Variants in OTOGL observed in about 807,000 individuals in gnomAD.
OTOGL encodes the protein otogelin-like protein.
In OTOGL, 285 loss-of-function variants were observed where a neutral mutation model predicts 318.5. The observed-to-expected ratio is 0.89, with a 90% CI of 0.81 to 0.99. The LOEUF is 0.99. Ranked by LOEUF, OTOGL falls within the 50% of genes least tolerant of loss-of-function variation. OTOGL has a pLI of 0.00. For missense variants in OTOGL, 2,899 were observed against 2,845.6 expected (o/e 1.02, Z -0.43); for synonymous variants, 987 against 936.5 (o/e 1.05, Z -0.99).
At chr12:80,123,904 ATTTG>A (rs1337659150) in intron 1 of OTOGL, among the ~76,000 whole-genome samples, 2 of 151,850 alleles carry the variant, frequency 1.3e-5, no homozygotes, top group Non-Finnish European at 2.9e-5. Context: ...TTTCTTGTAA[ATTTG>A]TTTGAGTTCA....
At chr12:80,119,489 G>A (rs1183486799) in intron 1 of OTOGL, among the ~76,000 whole-genome samples, 2 of 152,056 alleles carry the variant, frequency 1.3e-5, no homozygotes, top group African/African-American at 2.4e-5. Context: ...TCACAATGTC[G>A]GCCGTTGTGA....
intron 36 of OTOGL, 85 bp from the exon 37 acceptor site, chr12:80,328,966 T>C: frequency 7.8e-7 from 1 of 1,280,440 alleles, no homozygotes; most frequent in Non-Finnish European, 1.1e-6. Flanking sequence ...ACATTTTCCT[T>C]GAAGCTAAAG....
intron 1 of OTOGL, among the ~76,000 whole-genome samples, chr12:80,176,492 A>G (rs982259733): frequency 3.3e-5 from 5 of 152,164 alleles, no homozygotes; most frequent in Non-Finnish European, 5.9e-5. Context: ...TTTTATAAAA[A>G]TGGAATATAT....
chr12:80,293,434 A>G (rs1039386922), intron 26 of OTOGL, among the ~76,000 whole-genome samples: 11 of 152,138 alleles, frequency 7.2e-5, no homozygotes, highest in African/African-American at 2.7e-4. Context: ...CCAACTTTTT[A>G]TGTCTTCTTA....
rs371093213 is a variant in OTOGL at position 80,262,133 on chromosome 12, A to T, written c.2014+40A>T. ...TAAACTTCCTTTCTGCTGTAAACTT[A>T]GGGAAAAGTTCTATGTATTACTATA... On this transcript the variant is annotated intron_variant, in intron 19 of 58. Transcript: ENST00000547103. The T allele has an allele frequency of 3.8e-5, 60 of 1,575,298 alleles. No individual in the cohort carries two copies. The African/African-American group carries it at 6.6e-4, about 17-fold the overall frequency.
intron 23 of OTOGL, among the ~76,000 whole-genome samples, chr12:80,270,436 C>T (rs1297844499): frequency 6.6e-6 from 1 of 152,124 alleles, no homozygotes; most frequent in Non-Finnish European, 1.5e-5. Context: ...CCTCAGGCAT[C>T]CCAAGGACTT....
At chr12:80,359,917 T>C (rs1158464656) in intron 52 of OTOGL, among the ~76,000 whole-genome samples, 1 of 152,250 alleles carries the variant, frequency 6.6e-6, no homozygotes, top group Admixed American at 6.5e-5. Flanking sequence ...GCTCATTTTA[T>C]AAGTGAGAAA....
intron 52 of OTOGL, among the ~76,000 whole-genome samples, chr12:80,363,121 G>C (rs954555471): frequency 2.0e-5 from 3 of 152,102 alleles, no homozygotes; most frequent in Admixed American, 6.6e-5. Flanking sequence ...CTGGCCAAGA[G>C]GGCTTTAAAG....
At chr12:80,129,297 C>G (rs572571320) in intron 1 of OTOGL, among the ~76,000 whole-genome samples, 15 of 152,268 alleles carry the variant, frequency 9.9e-5, no homozygotes, top group Non-Finnish European at 2.1e-4. Context: ...CCATATTGAA[C>G]AAAACCAACT....
chr12:80,216,331 A>C (rs1877716735), intron 4 of OTOGL, among the ~76,000 whole-genome samples: 1 of 152,108 alleles, frequency 6.6e-6, no homozygotes, highest in Non-Finnish European at 1.5e-5. Flanking sequence ...CAGTTTTTCT[A>C]ATATCATCTG....
chr12:80,272,342 A>ATGTGTGTG (rs56364698), intron 24 of OTOGL, among the ~76,000 whole-genome samples: 9 of 145,504 alleles, frequency 6.2e-5, no homozygotes, highest in African/African-American at 2.1e-4. Context: ...AGGCATTGTG[A>ATGTGTGTG]TGTGTGTGTG....
chr12:80,333,450 G>T lies in OTOGL; in HGVS notation c.4422+372G>T, dbSNP rs148205971. ...GGAAGCAAAAAAGATAAAAGTCATTGTCTCCTAGAACTAGTAGTTTTCTCT... is the reference window on the plus strand; with the variant it reads ...GGAAGCAAAAAAGATAAAAGTCATTTTCTCCTAGAACTAGTAGTTTTCTCT... On this transcript the variant is annotated intron_variant, in intron 38 of 58. Coordinates refer to ENST00000547103, the MANE Select transcript of OTOGL (RefSeq NM_001378609.3). 1.8e-3 allele frequency among the ~76,000 whole-genome samples: 269 copies of T among 151,920 alleles called. 1 individual carries two copies. Among genetic ancestry groups the T allele is most frequent in the Middle Eastern group, 6.8e-3 (2 of 294 alleles).
At position 80,243,126 on chromosome 12, in the gene OTOGL, T is replaced by C. The variant is rs1341318491; in HGVS notation, c.1052+3687T>C. On this transcript the variant is annotated intron_variant, in intron 11 of 58. Coordinates refer to ENST00000547103, the MANE Select transcript of OTOGL (RefSeq NM_001378609.3). ...TCTAAAAAATCCATACCAAGACACA[T>C]TGTAGTCAAATTTCTAGAACCTAAA... Among the ~76,000 whole-genome samples, 4 of 152,124 alleles carry C rather than the reference T, an allele frequency of 2.6e-5. No homozygotes were observed. In the East Asian group the frequency reaches 5.8e-4, roughly 22 times the overall value.
intron 1 of OTOGL, among the ~76,000 whole-genome samples, chr12:80,117,328 CATTA>C (rs937441954): frequency 1.1e-4 from 17 of 152,080 alleles, no homozygotes; most frequent in Admixed American, 9.2e-4. Flanking sequence ...TTATTAATGT[CATTA>C]ATTATTTTTC....
intron 1 of OTOGL, among the ~76,000 whole-genome samples, chr12:80,204,425 G>C (rs751075154): frequency 6.6e-6 from 1 of 152,108 alleles, no homozygotes; most frequent in Non-Finnish European, 1.5e-5. Context: ...GATTTGACAG[G>C]TTTTGTTTTA....
chr12:80,285,849 T>C (rs561363538), intron 26 of OTOGL, among the ~76,000 whole-genome samples: 37 of 152,264 alleles, frequency 2.4e-4, no homozygotes, highest in Middle Eastern at 6.8e-3. Flanking sequence ...CTCTTCCTAT[T>C]TGAATACCTT....
chr12:80,343,007 G>A (rs193215346), intron 44 of OTOGL, among the ~76,000 whole-genome samples: 30 of 152,128 alleles, frequency 2.0e-4, no homozygotes, highest in African/African-American at 6.5e-4. Context: ...TCAGCCTCCC[G>A]AGTAGCTGGG....
chr12:80,266,365 A>G, intron 20 of OTOGL, 86 bp from the exon 21 acceptor site: 9 of 1,392,910 alleles, frequency 6.5e-6, no homozygotes, highest in Non-Finnish European at 8.8e-6. Context: ...GCCAGCTTTC[A>G]TTTTCTATCA....
intron 24 of OTOGL, among the ~76,000 whole-genome samples, chr12:80,273,082 A>T (rs909822987): frequency 2.0e-5 from 3 of 151,970 alleles, no homozygotes; most frequent in Admixed American, 6.6e-5. Context: ...ATTTACTGTC[A>T]CCTTTGATAT....
Sources: allele counts gnomAD v4.1 joint callset (sites outside exome capture counted in the v4.1 genomes callset), GRCh38; gene constraint gnomAD v4.1.1; transcripts MANE v1.5; gene names NCBI Gene and HGNC (gene_info 2026-07-23, HGNC 2026-07-21).